MYO1H: variants seen among roughly 807,000 people sequenced by gnomAD.
MYO1H encodes myosin IH.
Under a neutral mutation model 149.3 loss-of-function variants are expected in MYO1H, and 118 were observed. The ratio of observed to expected loss-of-function variants is 0.79; its 90% confidence interval spans 0.68 to 0.92. The LOEUF (loss-of-function observed/expected upper bound fraction) is 0.92. Among genes scored for constraint, MYO1H ranks in the 40% least tolerant of loss-of-function variants. MYO1H has a pLI of 0.00. For synonymous variants in MYO1H, 447 were observed against 465.2 expected, an observed-to-expected ratio of 0.96 and a Z score of 0.50; for missense variants, 1,212 against 1,280.7, an observed-to-expected ratio of 0.95 and a Z score of 0.82.
chr12:109,443,598 G>A (rs539920867), exon 28 of MYO1H: 15 of 1,613,640 alleles, frequency 9.3e-6, no homozygotes, highest in East Asian at 4.5e-5. Context: ...AGCAGCTTAC[G>A]TGGTGGAACT....
At chr12:109,319,105 CAA>C in the MYO1H span, among the ~76,000 whole-genome samples, 66 of 150,638 alleles carry the variant, frequency 4.4e-4, 1 homozygote, top group African/African-American at 1.6e-3. Flanking sequence ...AGCAGGATCT[CAA>C]AGAGATATTT....
chr12:109,444,327 C>T (rs1566046007), intron 29 of MYO1H, 44 bp downstream of exon 29: 3 of 1,587,638 alleles, frequency 1.9e-6, no homozygotes, highest in Non-Finnish European at 1.7e-6. Context: ...AGAAACAATA[C>T]ACTGCCAAAA....
intron 14 of MYO1H, among the ~76,000 whole-genome samples, chr12:109,414,808 A>C (rs1205131194): frequency 1.3e-5 from 2 of 152,102 alleles, no homozygotes; most frequent in Non-Finnish European, 2.9e-5. Flanking sequence ...CCTGGGCTCA[A>C]GCAATCCTCC....
At chr12:109,413,396 C>T (rs1418441197) in intron 14 of MYO1H, among the ~76,000 whole-genome samples, 6 of 152,110 alleles carry the variant, frequency 3.9e-5, no homozygotes, top group African/African-American at 1.4e-4. Context: ...AATCTCTGGC[C>T]ATGGTAAAGA....
rs369317582 is a variant in MYO1H at position 109,443,510 on chromosome 12, G to A, written c.2689-4G>A. ...TCCCTGGTGAAGTCACCTTCCCCTT[G>A]CAGTATGGTGTCCCGGTCATTAAAT... On this transcript the variant is annotated splice_polypyrimidine_tract_variant and splice_region_variant and intron_variant, in intron 27 of 31. Coordinates refer to ENST00000310903, the Ensembl canonical transcript of MYO1H. The A allele has an allele frequency of 3.1e-6, 5 of 1,613,088 alleles. No homozygotes were observed. The African/African-American group carries it at 5.3e-5, about 17-fold the overall frequency.
Position 109,442,206 on chromosome 12 carries a change from T to C in MYO1H, c.2633-11T>C, listed in dbSNP as rs1872166454. The C allele has an allele frequency of 6.2e-7, 1 of 1,613,146 alleles. No homozygotes were observed. The highest frequency in any genetic ancestry group is 1.1e-5 in the South Asian group (1 of 91,064). On this transcript the variant is annotated splice_polypyrimidine_tract_variant and intron_variant, in intron 26 of 31. Coordinates refer to ENST00000310903, the Ensembl canonical transcript of MYO1H. ...TAGTGATGATTCATGGCCTTCTGGTTCCCTCTCTAGATGAAGGAGACATTA... is the reference window on the plus strand; with the variant it reads ...TAGTGATGATTCATGGCCTTCTGGTCCCCTCTCTAGATGAAGGAGACATTA...
chr12:109,445,478 G>A, intron 30 of MYO1H, 35 bp from the exon 31 acceptor site: 4 of 1,472,464 alleles, frequency 2.7e-6, no homozygotes. Flanking sequence ...AGAAAATACA[G>A]TATGTCAGTA....
chr12:109,316,342 A>G, the MYO1H span, among the ~76,000 whole-genome samples: 202 of 152,308 alleles, frequency 1.3e-3, 1 homozygote, highest in Non-Finnish European at 2.5e-3. Flanking sequence ...CAGTCTTACT[A>G]CTATTGTGTG....
At chr12:109,344,486 G>C (rs912274107), upstream of MYO1H, among the ~76,000 whole-genome samples, 1 of 152,116 alleles carries the variant, frequency 6.6e-6, no homozygotes, top group African/African-American at 2.4e-5. Flanking sequence ...AATTGAAGAA[G>C]ACCTAAATAA....
exon 6 of MYO1H, chr12:109,401,202 G>A (rs1870144258): frequency 6.2e-7 from 1 of 1,613,848 alleles, no homozygotes; most frequent in South Asian, 1.1e-5. Context: ...CTGCTGGCAG[G>A]TGGCGAAGAG....
chr12:109,388,932 C>G, intron 2 of MYO1H, 88 bp downstream of exon 2: 1 of 1,439,260 alleles, frequency 6.9e-7, no homozygotes, highest in East Asian at 2.3e-5. Flanking sequence ...TAATAGCACT[C>G]TATTAGGTTA....
At chr12:109,406,958 T>A in intron 9 of MYO1H, 98 bp downstream of exon 9, 1 of 1,061,338 alleles carries the variant, frequency 9.4e-7, no homozygotes, top group Non-Finnish European at 1.4e-6. Context: ...GCCAAACCTT[T>A]GATCCTAGCT....
chr12:109,420,190 G>C (rs1871114756), intron 15 of MYO1H, among the ~76,000 whole-genome samples: 1 of 152,154 alleles, frequency 6.6e-6, no homozygotes, highest in Non-Finnish European at 1.5e-5. Flanking sequence ...GCAATACTTA[G>C]TGTAAAGACT....
intron 1 of MYO1H, among the ~76,000 whole-genome samples, chr12:109,367,105 G>C (rs1026873993): frequency 1.3e-5 from 2 of 152,212 alleles, no homozygotes; most frequent in African/African-American, 4.8e-5. Context: ...ACTTCCAGGG[G>C]AGGAAAAACT....
At chr12:109,398,165 A>G (rs1869996563) in intron 5 of MYO1H, among the ~76,000 whole-genome samples, 1 of 152,224 alleles carries the variant, frequency 6.6e-6, no homozygotes, top group Admixed American at 6.5e-5. Context: ...CTGAAAAAAC[A>G]TAATGTAAGG....
At chr12:109,426,119 G>A in intron 18 of MYO1H, 68 bp downstream of exon 18, 1 of 1,100,624 alleles carries the variant, frequency 9.1e-7, no homozygotes, top group Non-Finnish European at 1.4e-6. Context: ...AGGTGGCAGT[G>A]GGTTGGGATC....
intron 27 of MYO1H, among the ~76,000 whole-genome samples, chr12:109,443,044 G>GTATACACATATATA (rs199917486): frequency 1.2e-5 from 1 of 83,118 alleles, no homozygotes; most frequent in African/African-American, 6.9e-5. Context: ...GTGTGTGTGT[G>GTATACACATATATA]TGTATATATG....
At chr12:109,417,879 G>A (rs540762096) in intron 15 of MYO1H, among the ~76,000 whole-genome samples, 1 of 151,608 alleles carries the variant, frequency 6.6e-6, no homozygotes, top group South Asian at 2.1e-4. Context: ...CCGGTGGCGC[G>A]ATCTCGGCTC....
intron 27 of MYO1H, 74 bp downstream of exon 27, chr12:109,442,346 T>A: frequency 3.0e-6 from 4 of 1,317,632 alleles, no homozygotes; most frequent in South Asian, 1.2e-5. Context: ...CCTTTCTCCA[T>A]AAAGGGCGCA....
Sources: gnomAD v4.1 joint callset for allele counts (sites outside exome capture counted in the v4.1 genomes callset) on GRCh38, gnomAD v4.1.1 for gene constraint, MANE v1.5 for transcripts, NCBI Gene and HGNC (gene_info 2026-07-23, HGNC 2026-07-21) for gene names.